Variants in CHP1 observed in about 807,000 individuals in gnomAD.
The protein encoded by CHP1 is calcineurin B homologous protein 1.
Under a neutral mutation model 27.4 loss-of-function variants are expected in CHP1, and 11 were observed. The ratio of observed to expected loss-of-function variants is 0.40; its 90% CI spans 0.25 to 0.67. The LOEUF (loss-of-function observed/expected upper bound fraction) is 0.67. CHP1 is among the 30% of genes least tolerant of loss of function. The pLI, the probability that CHP1 is intolerant of heterozygous loss-of-function variation, is 0.38. For synonymous variants in CHP1, 89 were observed against 87.4 expected, an observed-to-expected ratio of 1.02 and a Z score of -0.10; for missense variants, 169 against 251.3, an observed-to-expected ratio of 0.67 and a Z score of 2.22.
chr15:41,276,998 A>G (rs2047522624), intron 5 of CHP1, among the ~76,000 whole-genome samples: 1 of 152,200 alleles, frequency 6.6e-6, no homozygotes, highest in Non-Finnish European at 1.5e-5. Context: ...AAGAATGAGG[A>G]AGGGCAAAAT....
At chr15:41,257,139 T>G in intron 3 of CHP1, 149 bp downstream of exon 3, 1 of 612,126 alleles carries the variant, frequency 1.6e-6, no homozygotes. Flanking sequence ...ATTTCTAGAA[T>G]ATCTCTTCTG....
chr15:41,236,020 G>C (rs1244132241), intron 1 of CHP1, among the ~76,000 whole-genome samples: 1 of 152,058 alleles, frequency 6.6e-6, no homozygotes, highest in African/African-American at 2.4e-5. Flanking sequence ...TGCCATAAAG[G>C]AGTAAGAAGC....
chr15:41,232,086 A>G (rs577020291), intron 1 of CHP1, among the ~76,000 whole-genome samples: 2 of 152,192 alleles, frequency 1.3e-5, no homozygotes, highest in Non-Finnish European at 2.9e-5. Context: ...TACTTACACG[A>G]CGATACTTGC....
At chr15:41,232,517 A>AT (rs112881067) in intron 1 of CHP1, among the ~76,000 whole-genome samples, 19,025 of 147,898 alleles carry the variant, frequency 0.13, 1,347 homozygotes, top group South Asian at 0.27. Flanking sequence ...TGCAGAACTG[A>AT]TTTTTTTTTT....
intron 1 of CHP1, among the ~76,000 whole-genome samples, chr15:41,241,142 C>T (rs901934661): frequency 1.2e-4 from 19 of 152,204 alleles, no homozygotes; most frequent in Admixed American, 1.3e-4. Flanking sequence ...TGAGCCACTG[C>T]GCCCAGCCTG....
At chr15:41,262,280 C>G (rs2047437617) in intron 3 of CHP1, among the ~76,000 whole-genome samples, 1 of 151,986 alleles carries the variant, frequency 6.6e-6, no homozygotes, top group Admixed American at 6.6e-5. Context: ...TAAAAGCGGC[C>G]TTTCCATAAT....
intron 1 of CHP1, 125 bp from the exon 2 acceptor site, chr15:41,243,542 A>T: frequency 1.5e-6 from 1 of 647,602 alleles, no homozygotes; most frequent in East Asian, 2.7e-5. Context: ...CTGCTTTAAC[A>T]TTCTAGAGAT....
chr15:41,271,497 C>T (rs940277632), intron 5 of CHP1, among the ~76,000 whole-genome samples: 19 of 152,286 alleles, frequency 1.2e-4, no homozygotes, highest in African/African-American at 4.1e-4. Context: ...CTGAGATTTA[C>T]ATCAGATAAT....
chr15:41,279,253 G>T (rs990089367), intron 6 of CHP1, 83 bp from the exon 7 acceptor site: 12 of 1,136,122 alleles, frequency 1.1e-5, no homozygotes, highest in East Asian at 9.5e-5. Context: ...CAGGAGGAAG[G>T]GGGGAAAACA....
intron 5 of CHP1, among the ~76,000 whole-genome samples, chr15:41,272,555 G>T (rs1233483380): frequency 6.6e-6 from 1 of 151,626 alleles, no homozygotes; most frequent in Non-Finnish European, 1.5e-5. Context: ...TGAGTAACTG[G>T]GATTGCAGAC....
intron 1 of CHP1, among the ~76,000 whole-genome samples, chr15:41,232,530 T>G (rs1455916651): frequency 6.6e-6 from 1 of 151,314 alleles, no homozygotes; most frequent in Non-Finnish European, 1.5e-5. Context: ...TTTTTTTTTA[T>G]AGTCCAGTCT....
chr15:41,242,260 T>C (rs2047310356), intron 1 of CHP1, among the ~76,000 whole-genome samples: 1 of 152,190 alleles, frequency 6.6e-6, no homozygotes, highest in Non-Finnish European at 1.5e-5. Flanking sequence ...TCTTTATGTT[T>C]TCCAAGGGAA....
chr15:41,249,455 TC>T (rs1250963184), intron 2 of CHP1, among the ~76,000 whole-genome samples: 1 of 144,088 alleles, frequency 6.9e-6, no homozygotes, highest in African/African-American at 2.6e-5. Context: ...TGCCTGGCCT[TC>T]ACCTTCTTTT....
At chr15:41,255,538 T>C (rs1165216889) in intron 2 of CHP1, among the ~76,000 whole-genome samples, 1 of 151,386 alleles carries the variant, frequency 6.6e-6, no homozygotes, top group African/African-American at 2.4e-5. Context: ...CCGGGCATGG[T>C]AGCACCCGCT....
intron 3 of CHP1, among the ~76,000 whole-genome samples, chr15:41,261,657 G>A (rs1337599785): frequency 2.6e-5 from 4 of 152,024 alleles, no homozygotes; most frequent in Non-Finnish European, 5.9e-5. Context: ...AGGAGATTGA[G>A]ACGATCCTAG....
At chr15:41,274,425 C>A (rs1456798358) in intron 5 of CHP1, among the ~76,000 whole-genome samples, 1 of 151,908 alleles carries the variant, frequency 6.6e-6, no homozygotes, top group Non-Finnish European at 1.5e-5. Context: ...ATGAGATAAC[C>A]TTTTTTTTCT....
chr15:41,252,941 T>G (rs2047377710), intron 2 of CHP1, among the ~76,000 whole-genome samples: 2 of 130,372 alleles, frequency 1.5e-5, no homozygotes, highest in South Asian at 2.7e-4. Context: ...TTTTTTTTTT[T>G]TTTTTTTTTT....
At position 41,280,205 on chromosome 15, in the gene CHP1, T is replaced by C. The variant is rs1026080772; in HGVS notation, c.*816T>C. ...ATCTCTGGCCTCTGATTCTCAACTT[T>C]GTACCTGTGTGGCTCCTCTTGTTAG... On this transcript the variant is annotated 3_prime_UTR_variant, in exon 7 of 7. Coordinates refer to ENST00000334660, the MANE Select transcript of CHP1 (RefSeq NM_007236.5). 1 of 152,422 alleles carries C rather than the reference T, an allele frequency of 6.6e-6. No homozygotes were observed. Among genetic ancestry groups the C allele is most frequent in the Non-Finnish European group, 1.5e-5 (1 of 68,088 alleles). 9.4% of individuals were successfully genotyped at this position (152,422 alleles called of 1,614,324 possible).
rs778744663 is a variant in CHP1, at chr15:41,243,697, G to T, written c.98G>T (p.Ser33Ile). The T allele has an allele frequency of 6.2e-7, 1 of 1,613,938 alleles. No homozygotes were observed. The highest frequency in any genetic ancestry group is 1.3e-5 in the African/African-American group (1 of 74,904). ...CACAGTCAAATCACTCGCCTCTACAGCCGGTTCACCAGCCTGGACAAAGGA... is the reference window on the plus strand; with the variant it reads ...CACAGTCAAATCACTCGCCTCTACATCCGGTTCACCAGCCTGGACAAAGGA... Reference protein sequence around the residue: ...FSHSQITRLYSRFTSLDKGEN... With the variant: ...FSHSQITRLYIRFTSLDKGEN... The change falls in exon 2 of 7, where the codon AGC (serine) becomes ATC (isoleucine). Residue 33 changes from serine (S) to isoleucine (I), a missense_variant. By Grantham distance (142) the Ser-to-Ile change is moderately radical. Transcript: ENST00000334660.
Sources: allele counts gnomAD v4.1 joint callset (sites outside exome capture counted in the v4.1 genomes callset), GRCh38; gene constraint gnomAD v4.1.1; transcripts MANE v1.5; gene names NCBI Gene and HGNC (gene_info 2026-07-23, HGNC 2026-07-21).